The following ROBO1 variants were observed in gnomAD, a reference collection of about 807,000 sequenced individuals.
ROBO1 encodes roundabout guidance receptor 1.
A neutral mutation model predicts 195.9 loss-of-function variants in ROBO1; 149 were observed. The ratio of observed to expected loss-of-function variants is 0.76; its 90% confidence interval spans 0.67 to 0.87. The LOEUF (loss-of-function observed/expected upper bound fraction) is 0.87, where lower values mean the gene tolerates loss of function less well. ROBO1 is among the 40% of genes least tolerant of loss of function. The pLI, the probability that ROBO1 is intolerant of heterozygous loss-of-function variation, is 0.00. For missense variants in ROBO1, 1,933 were observed against 2,068.3 expected (o/e 0.93, Z 1.27); for synonymous variants, 816 against 733.2 (o/e 1.11, Z -1.82).
At chr3:78,720,340 A>G (rs574249979) in intron 5 of ROBO1, among the ~76,000 whole-genome samples, 1 of 152,368 alleles carries the variant, frequency 6.6e-6, no homozygotes, top group East Asian at 1.9e-4. Flanking sequence ...GACACATGAA[A>G]AAATGCTCAT....
At chr3:79,019,577 G>A in intron 3 of ROBO1, 1 of 983,886 alleles carries the variant, frequency 1.0e-6, no homozygotes, top group Non-Finnish European at 1.2e-6. Context: ...TTCTCCAGGC[G>A]CTGGTCAGGC....
At chr3:79,067,258 G>C (rs1315197821) in intron 3 of ROBO1, among the ~76,000 whole-genome samples, 1 of 151,956 alleles carries the variant, frequency 6.6e-6, no homozygotes, top group Non-Finnish European at 1.5e-5. Context: ...AGTCCTTAAT[G>C]AGGGTTAAAC....
At chr3:78,871,072 G>A (rs191240640) in intron 4 of ROBO1, among the ~76,000 whole-genome samples, 71 of 152,206 alleles carry the variant, frequency 4.7e-4, no homozygotes, top group Admixed American at 2.0e-3. Flanking sequence ...TCAAAAATAC[G>A]AGATGCTGCA....
chr3:79,282,822 A>G (rs1466052643), intron 2 of ROBO1, among the ~76,000 whole-genome samples: 1 of 152,178 alleles, frequency 6.6e-6, no homozygotes, highest in Non-Finnish European at 1.5e-5. Context: ...ATATAATTTA[A>G]AGCCGTAAAA....
intron 10 of ROBO1, among the ~76,000 whole-genome samples, chr3:78,682,094 A>G (rs2080929019): frequency 6.6e-6 from 1 of 152,010 alleles, no homozygotes; most frequent in Non-Finnish European, 1.5e-5. Context: ...TTGAAATTCA[A>G]AGATATCTAC....
chr3:79,349,715 A>T (rs951903002), intron 2 of ROBO1, among the ~76,000 whole-genome samples: 1 of 152,198 alleles, frequency 6.6e-6, no homozygotes, highest in South Asian at 2.1e-4. Context: ...TCAATGGGCA[A>T]ATAATAATCT....
intron 1 of ROBO1, among the ~76,000 whole-genome samples, chr3:79,663,879 T>C (rs1052741574): frequency 6.6e-6 from 1 of 152,058 alleles, no homozygotes; most frequent in African/African-American, 2.4e-5. Context: ...TACTCTACTC[T>C]TCTCAGTTCA....
In ROBO1 at chr3:78,617,580, A is replaced by C. The variant is rs572468071; in HGVS notation, c.4282+55T>G. 8 of 1,515,816 alleles carry C rather than the reference A, an allele frequency of 5.3e-6. No individual in the cohort carries two copies. The Admixed American group carries it at 1.7e-4, about 32-fold the overall frequency. The allele number at this position is 1,515,816 out of a possible 1,614,324, so 93.9% of individuals were successfully genotyped here. On this transcript the variant is annotated intron_variant, in intron 27 of 30. Coordinates refer to ENST00000464233, the MANE Select transcript of ROBO1 (RefSeq NM_002941.4). ...AGATCATAGGACAGAATCAGCAACAAACATATATACATTGAGTTTTCTTTC... is the reference window on the plus strand; with the variant it reads ...AGATCATAGGACAGAATCAGCAACACACATATATACATTGAGTTTTCTTTC...
chr3:79,265,586 A>G (rs188593908), intron 2 of ROBO1, among the ~76,000 whole-genome samples: 9 of 151,752 alleles, frequency 5.9e-5, no homozygotes, highest in Admixed American at 3.3e-4. Flanking sequence ...GGGATTATAA[A>G]TGATAATAAA....
Position 78,714,477 on chromosome 3 carries a change from G to C in ROBO1, c.965C>G (p.Ala322Gly), listed in dbSNP as rs1302792316. 1.9e-6 allele frequency: 3 copies of C among 1,612,630 alleles called. No homozygotes were observed. The Admixed American group carries it at 5.0e-5, about 27-fold the overall frequency. Residue 322 changes from alanine (A) to glycine (G), a missense_variant, in exon 8 of 31, where the codon GCT (alanine) becomes GGT (glycine). Coordinates refer to ENST00000464233, the MANE Select transcript of ROBO1 (RefSeq NM_002941.4). Reference sequence around the variant, plus strand: ...ACAAGTGTATGAACCCATGTCACCAGCTGTCACCTTCCTAATTTTCAAGGT... The same window carrying C: ...ACAAGTGTATGAACCCATGTCACCACCTGTCACCTTCCTAATTTTCAAGGT... ...DHTLKIRKVTAGDMGSYTCVA... is the reference protein window; with the variant it reads ...DHTLKIRKVTGGDMGSYTCVA...
chr3:79,216,768 C>A (rs2082061620), intron 2 of ROBO1, among the ~76,000 whole-genome samples: 1 of 151,916 alleles, frequency 6.6e-6, no homozygotes, highest in Non-Finnish European at 1.5e-5. Flanking sequence ...AATTTTAAAA[C>A]AACTGCCCAT....
chr3:79,738,447 A>G (rs1703482294), intron 1 of ROBO1, among the ~76,000 whole-genome samples: 2 of 152,206 alleles, frequency 1.3e-5, no homozygotes, highest in Non-Finnish European at 2.9e-5. Context: ...ATTATCCTCC[A>G]ACATTTTCTG....
intron 21 of ROBO1, among the ~76,000 whole-genome samples, chr3:78,640,472 T>C (rs1201085254): frequency 6.6e-6 from 1 of 152,230 alleles, no homozygotes; most frequent in Non-Finnish European, 1.5e-5. Context: ...TTCTGTAAGC[T>C]TGTCAACATT....
At chr3:78,660,878 A>G in intron 16 of ROBO1, 152 bp downstream of exon 16, 2 of 625,906 alleles carry the variant, frequency 3.2e-6, no homozygotes, top group Non-Finnish European at 5.3e-6. Flanking sequence ...TAGTTTTCTA[A>G]ATAAACAAAT....
chr3:78,862,156 A>C (rs2107012168), intron 4 of ROBO1, among the ~76,000 whole-genome samples: 1 of 152,270 alleles, frequency 6.6e-6, no homozygotes, highest in East Asian at 1.9e-4. Context: ...TGCTTGCATT[A>C]GACCCCAAGA....
At chr3:78,838,149 T>C (rs1453725841) in intron 4 of ROBO1, among the ~76,000 whole-genome samples, 1 of 152,220 alleles carries the variant, frequency 6.6e-6, no homozygotes, top group Non-Finnish European at 1.5e-5. Flanking sequence ...TTTTAAAGTT[T>C]AATTCAGATT....
At chr3:79,024,548 G>A (rs553857469) in intron 3 of ROBO1, among the ~76,000 whole-genome samples, 202 of 152,300 alleles carry the variant, frequency 1.3e-3, no homozygotes, top group African/African-American at 4.6e-3. Flanking sequence ...TTGAACCAAA[G>A]CACTTGAAGA....
rs2082360983 is a variant in ROBO1, at chr3:79,233,847, A to AGAGG, written c.89-108309_89-108308insCCTC. Among the ~76,000 whole-genome samples, 6 of 152,170 alleles carry AGAGG rather than the reference A, an allele frequency of 3.9e-5. No individual in the cohort carries two copies. The East Asian group carries it at 7.7e-4, about 20-fold the overall frequency. On this transcript the variant is annotated intron_variant, in intron 2 of 30. Transcript: ENST00000464233. Reference sequence around the variant, plus strand: ...CCTTTTCTCTGCAGCCTCAACAGCAACTTGTTTTTTGACTTTTTAATAATA... The same window carrying AGAGG: ...CCTTTTCTCTGCAGCCTCAACAGCAAGAGGCTTGTTTTTTGACTTTTTAATAATA...
intron 5 of ROBO1, among the ~76,000 whole-genome samples, chr3:78,725,290 G>A (rs1220516384): frequency 6.6e-6 from 1 of 152,164 alleles, no homozygotes; most frequent in Non-Finnish European, 1.5e-5. Context: ...GAAAGAGACA[G>A]AGAGGAGAGA....
Sources: gnomAD v4.1 joint callset for allele counts (sites outside exome capture counted in the v4.1 genomes callset) on GRCh38, gnomAD v4.1.1 for gene constraint, MANE v1.5 for transcripts, NCBI Gene and HGNC (gene_info 2026-07-23, HGNC 2026-07-21) for gene names.